The following UST variants were observed in gnomAD, a reference collection of about 807,000 sequenced individuals.
The protein encoded by UST is uronyl 2-sulfotransferase.
Under a neutral mutation model 45.6 loss-of-function variants are expected in UST, and 21 were observed. That is an observed-to-expected ratio of 0.46 (90% confidence interval 0.33 to 0.66). The LOEUF is 0.66. Among genes scored for constraint, UST ranks in the 30% least tolerant of loss-of-function variants. The pLI is 0.02. For missense variants in UST, 463 were observed against 512.4 expected, an observed-to-expected ratio of 0.90 and a Z score of 0.93; for synonymous variants, 215 against 200.6, an observed-to-expected ratio of 1.07 and a Z score of -0.61.
intron 5 of UST, among the ~76,000 whole-genome samples, chr6:148,966,331 C>A (rs1026151810): frequency 2.6e-5 from 4 of 152,068 alleles, no homozygotes; most frequent in African/African-American, 9.7e-5. Flanking sequence ...AGAAACACTA[C>A]AAGAATAATG....
At chr6:148,852,139 C>G (rs2114787357) in intron 1 of UST, among the ~76,000 whole-genome samples, 1 of 152,316 alleles carries the variant, frequency 6.6e-6, no homozygotes, top group Non-Finnish European at 1.5e-5. Context: ...GGTTGTGAAT[C>G]TGTGACTGAT....
chr6:148,762,145 C>T (rs374072189), intron 1 of UST, among the ~76,000 whole-genome samples: 1 of 152,010 alleles, frequency 6.6e-6, no homozygotes, highest in African/African-American at 2.4e-5. Context: ...ATTCGTGCTG[C>T]GAGATAAAGA....
chr6:148,822,522 A>AT (rs1174621745), intron 1 of UST, among the ~76,000 whole-genome samples: 2 of 152,238 alleles, frequency 1.3e-5, no homozygotes, highest in Admixed American at 6.5e-5. Flanking sequence ...GACTGAATGT[A>AT]TAGAAAGAGA....
At chr6:148,909,029 T>C (rs889587348) in intron 2 of UST, among the ~76,000 whole-genome samples, 3 of 152,260 alleles carry the variant, frequency 2.0e-5, no homozygotes, top group African/African-American at 7.2e-5. Context: ...GAATTATAGC[T>C]CAAAGCTATC....
At chr6:148,978,948 G>A (rs1390995652) in intron 5 of UST, among the ~76,000 whole-genome samples, 3 of 152,136 alleles carry the variant, frequency 2.0e-5, no homozygotes, top group African/African-American at 7.2e-5. Context: ...ACTAGAGTAT[G>A]ATGTCTAGGA....
chr6:148,789,449 TCTCTCACACACACA>T (rs1056122367), intron 1 of UST, among the ~76,000 whole-genome samples: 22 of 129,030 alleles, frequency 1.7e-4, no homozygotes, highest in Non-Finnish European at 2.8e-4. Context: ...TCTCTCTCTC[TCTCTCACACACACA>T]CACACACACA....
intron 1 of UST, among the ~76,000 whole-genome samples, chr6:148,808,125 G>T (rs1777186047): frequency 6.6e-6 from 1 of 152,146 alleles, no homozygotes. Context: ...GTTTCCATGG[G>T]CATTCTAAGG....
intron 4 of UST, among the ~76,000 whole-genome samples, chr6:148,957,006 G>C (rs375192655): frequency 6.6e-6 from 1 of 152,160 alleles, no homozygotes; most frequent in African/African-American, 2.4e-5. Context: ...TGAAGGGGGA[G>C]AGCATTCCCA....
intron 1 of UST, among the ~76,000 whole-genome samples, chr6:148,778,010 G>C (rs1776567952): frequency 6.6e-6 from 1 of 152,102 alleles, no homozygotes; most frequent in African/African-American, 2.4e-5. Context: ...GGTTTATGCA[G>C]GTTCACGCTT....
intron 1 of UST, among the ~76,000 whole-genome samples, chr6:148,784,110 T>C (rs1168024010): frequency 2.0e-5 from 3 of 152,198 alleles, no homozygotes; most frequent in Non-Finnish European, 4.4e-5. Context: ...CTGACTTTTA[T>C]ATGTGAATAA....
intron 1 of UST, among the ~76,000 whole-genome samples, chr6:148,779,782 T>C (rs538545369): frequency 1.0e-3 from 158 of 152,252 alleles, no homozygotes; most frequent in African/African-American, 3.7e-3. Flanking sequence ...TCTCAACACG[T>C]CTTAACATTT....
intron 3 of UST, among the ~76,000 whole-genome samples, chr6:148,945,458 A>G (rs562257667): frequency 3.3e-5 from 5 of 152,330 alleles, no homozygotes; most frequent in African/African-American, 9.6e-5. Flanking sequence ...GGTAGAGCCC[A>G]GAAAACTTTT....
chr6:149,056,954 A>G (rs1429950795), intron 7 of UST, among the ~76,000 whole-genome samples: 1 of 152,194 alleles, frequency 6.6e-6, no homozygotes. Context: ...CAGCCCTTCA[A>G]GGGTTTATCA....
chr6:149,059,601 T>C (rs1363145013), intron 7 of UST, among the ~76,000 whole-genome samples: 1 of 152,204 alleles, frequency 6.6e-6, no homozygotes, highest in African/African-American at 2.4e-5. Flanking sequence ...AGAGCCTGTG[T>C]TTTTAGCTTT....
intron 7 of UST, among the ~76,000 whole-genome samples, chr6:149,026,151 A>G (rs1188020276): frequency 7.5e-6 from 1 of 133,390 alleles, no homozygotes; most frequent in Non-Finnish European, 1.7e-5. Flanking sequence ...CCATCTAAAA[A>G]AAAAAAAAAA....
intron 2 of UST, among the ~76,000 whole-genome samples, chr6:148,900,447 C>T (rs1779227868): frequency 6.6e-6 from 1 of 152,204 alleles, no homozygotes; most frequent in African/African-American, 2.4e-5. Flanking sequence ...GATAGTAAGT[C>T]TCACGAGATC....
intron 1 of UST, among the ~76,000 whole-genome samples, chr6:148,754,269 T>G (rs1195964870): frequency 2.6e-5 from 4 of 152,324 alleles, no homozygotes; most frequent in East Asian, 3.9e-4. Context: ...GTGCTGGGAT[T>G]ACAGGCATGA....
chr6:149,013,357 G>A (rs1211563242), intron 5 of UST, among the ~76,000 whole-genome samples: 1 of 151,758 alleles, frequency 6.6e-6, no homozygotes, highest in African/African-American at 2.4e-5. Context: ...CGAGTTTGCC[G>A]CTACTAAAAA....
At chr6:148,764,639 G>A (rs1010674468) in intron 1 of UST, among the ~76,000 whole-genome samples, 1 of 152,128 alleles carries the variant, frequency 6.6e-6, no homozygotes, top group Non-Finnish European at 1.5e-5. Flanking sequence ...ATGTCGGCAG[G>A]TTCCATGATG....
Sources: gnomAD v4.1 joint callset for allele counts (sites outside exome capture counted in the v4.1 genomes callset) on GRCh38, gnomAD v4.1.1 for gene constraint, MANE v1.5 for transcripts, NCBI Gene and HGNC (gene_info 2026-07-23, HGNC 2026-07-21) for gene names.